ATG7: variants seen among roughly 807,000 people sequenced by gnomAD.
ATG7 encodes the protein ubiquitin-like modifier-activating enzyme ATG7.
ATG7 carries 70 observed loss-of-function variants against 82.4 expected under a neutral mutation model. That is an observed-to-expected ratio of 0.85 (90% CI 0.70 to 1.04). The LOEUF (loss-of-function observed/expected upper bound fraction) is 1.04. Ranked by LOEUF, ATG7 falls within the 50% of genes least tolerant of loss-of-function variation. The pLI is 0.00. For missense variants in ATG7, 792 were observed against 864.3 expected, an observed-to-expected ratio of 0.92 and a Z score of 1.05; for synonymous variants, 287 against 313.0, an observed-to-expected ratio of 0.92 and a Z score of 0.88.
chr3:11,406,866 C>T (rs1389321535), intron 19 of ATG7, among the ~76,000 whole-genome samples: 1 of 152,188 alleles, frequency 6.6e-6, no homozygotes, highest in East Asian at 1.9e-4. Flanking sequence ...CCTCCCATAA[C>T]ATATGGGAAT....
rs1388403885 is a variant in ATG7 at position 11,362,872 on chromosome 3, G to A, written c.1743G>A (p.Val581=). Reference sequence around the variant, plus strand: ...CTGTGAGTCGTCCAGGACTGGCCGTGATTGCAGGAGCCCTGGCCGTGGAAT... The same window carrying A: ...CTGTGAGTCGTCCAGGACTGGCCGTAATTGCAGGAGCCCTGGCCGTGGAAT... ...QCTVSRPGLA[V]IAGALAVELM... The change falls in exon 17 of 21, where the codon GTG becomes GTA. Residue 581 remains valine, a synonymous_variant. Transcript: ENST00000693202. 1 of 1,614,086 alleles carries A rather than the reference G, an allele frequency of 6.2e-7. No individual in the cohort carries two copies. The highest frequency in any genetic ancestry group is 2.2e-5 in the East Asian group (1 of 44,884).
chr3:11,410,012 C>T (rs1394591923), intron 19 of ATG7, among the ~76,000 whole-genome samples: 1 of 152,092 alleles, frequency 6.6e-6, no homozygotes, highest in Non-Finnish European at 1.5e-5. Context: ...GTCAATCCTC[C>T]AACTTTGTCC....
chr3:11,482,377 G>A (rs1371206879), intron 20 of ATG7, among the ~76,000 whole-genome samples: 1 of 152,134 alleles, frequency 6.6e-6, no homozygotes, highest in African/African-American at 2.4e-5. Flanking sequence ...TCTTCCCTTG[G>A]CTTCTTCTGA....
chr3:11,531,254 C>T (rs7651886), intron 20 of ATG7, among the ~76,000 whole-genome samples: 23,396 of 152,078 alleles, frequency 0.15, 1,970 homozygotes, highest in Middle Eastern at 0.24. Flanking sequence ...AAGGCAGAGT[C>T]CAGAGGAAGT....
intron 13 of ATG7, 78 bp from the exon 14 acceptor site, chr3:11,347,799 T>C (rs1218359690): frequency 6.9e-7 from 1 of 1,456,920 alleles, no homozygotes; most frequent in Non-Finnish European, 9.2e-7. Flanking sequence ...CAAACCAATA[T>C]TCTTTTTGAG....
chr3:11,391,335 A>T (rs1207496991), intron 19 of ATG7, among the ~76,000 whole-genome samples: 1 of 152,208 alleles, frequency 6.6e-6, no homozygotes, highest in African/African-American at 2.4e-5. Context: ...CTGAGGTTTA[A>T]TGTTCCCCGG....
chr3:11,459,479 A>G (rs2454498), intron 20 of ATG7, among the ~76,000 whole-genome samples: 131,444 of 151,770 alleles, frequency 0.87, 57,234 homozygotes, highest in East Asian at 1. Flanking sequence ...TAGAATGAGA[A>G]TAAAAACAGG....
intron 20 of ATG7, among the ~76,000 whole-genome samples, chr3:11,497,821 A>G (rs2153057255): frequency 6.6e-6 from 1 of 152,276 alleles, no homozygotes; most frequent in Middle Eastern, 3.4e-3. Flanking sequence ...ATAATAGTTT[A>G]CAGGAGCCCA....
intron 13 of ATG7, among the ~76,000 whole-genome samples, chr3:11,343,224 T>A (rs1953956350): frequency 6.6e-6 from 1 of 152,164 alleles, no homozygotes; most frequent in Non-Finnish European, 1.5e-5. Flanking sequence ...CCACCACGCC[T>A]GGCCAAACAT....
At chr3:11,300,010 T>C (rs1946535170) in intron 5 of ATG7, among the ~76,000 whole-genome samples, 1 of 151,888 alleles carries the variant, frequency 6.6e-6, no homozygotes, top group Non-Finnish European at 1.5e-5. Context: ...CTGCAACCTC[T>C]TCCTCCTGAG....
intron 10 of ATG7, 90 bp from the exon 11 acceptor site, chr3:11,332,882 A>T: frequency 1.6e-6 from 2 of 1,272,212 alleles, no homozygotes; most frequent in Non-Finnish European, 2.0e-6. Context: ...ATTCTCTCCA[A>T]CTGGTTTGCT....
At chr3:11,490,506 C>G (rs9851487) in intron 20 of ATG7, among the ~76,000 whole-genome samples, 78,075 of 150,540 alleles carry the variant, frequency 0.52, 20,807 homozygotes, top group East Asian at 0.65. Flanking sequence ...GAATTTGATC[C>G]TGTCATTATG....
intron 20 of ATG7, among the ~76,000 whole-genome samples, chr3:11,516,580 G>A (rs544015067): frequency 3.9e-5 from 6 of 152,144 alleles, no homozygotes; most frequent in South Asian, 2.1e-4. Flanking sequence ...AGATTTACCC[G>A]AATTAGTTGA....
intron 18 of ATG7, 125 bp from the exon 19 acceptor site, chr3:11,379,847 C>T: frequency 1.1e-6 from 1 of 881,778 alleles, no homozygotes; most frequent in Non-Finnish European, 1.8e-6. Context: ...CTTATTTTTG[C>T]TCATAATCTC....
chr3:11,442,401 T>G (rs2084065140), intron 20 of ATG7, among the ~76,000 whole-genome samples: 1 of 152,218 alleles, frequency 6.6e-6, no homozygotes, highest in African/African-American at 2.4e-5. Context: ...CATTTGTTAT[T>G]GGAAACTAAA....
chr3:11,410,713 C>T (rs541970355), intron 19 of ATG7, among the ~76,000 whole-genome samples: 1 of 152,274 alleles, frequency 6.6e-6, no homozygotes, highest in African/African-American at 2.4e-5. Flanking sequence ...AAAGTTACTC[C>T]ATGGTGTAGC....
At chr3:11,390,672 A>ATT (rs11331651) in intron 19 of ATG7, among the ~76,000 whole-genome samples, 2 of 148,378 alleles carry the variant, frequency 1.3e-5, no homozygotes, top group Admixed American at 1.3e-4. Context: ...GGTGGGTTTG[A>ATT]TTTTTTTTTT....
At chr3:11,337,241 T>C (rs1223548785) in intron 11 of ATG7, among the ~76,000 whole-genome samples, 1 of 152,108 alleles carries the variant, frequency 6.6e-6, no homozygotes, top group Non-Finnish European at 1.5e-5. Flanking sequence ...GATCATGAGG[T>C]CAGGAGATTG....
chr3:11,298,993 T>G lies in ATG7; in HGVS notation c.160+138T>G, dbSNP rs190090742. 9.1e-5 allele frequency: 86 copies of G among 948,964 alleles called. No individual in the cohort carries two copies. In the African/African-American group the frequency reaches 1.4e-3, roughly 15 times the overall value. The allele number at this position is 948,964 out of a possible 1,614,324, so 58.8% of individuals were successfully genotyped here. A position where few individuals can be genotyped will look rare whatever the true frequency, so the allele number is the denominator to read the frequency against. ...CTTCACTAGTTTCTATTTTACTTCC[T>G]GACTTTTTGATCCCAGTTCATTTTC... On this transcript the variant is annotated intron_variant, in intron 4 of 20. Transcript: ENST00000693202.
Sources: gnomAD v4.1 joint callset for allele counts (sites outside exome capture counted in the v4.1 genomes callset) on GRCh38, gnomAD v4.1.1 for gene constraint, MANE v1.5 for transcripts, NCBI Gene and HGNC (gene_info 2026-07-23, HGNC 2026-07-21) for gene names.